CDC42SE2: variants seen among roughly 807,000 people sequenced by gnomAD.
The protein encoded by CDC42SE2 is CDC42 small effector protein 2.
CDC42SE2 carries 3 observed loss-of-function variants against 11.5 expected under a neutral mutation model. That is an observed-to-expected ratio of 0.26 (90% CI 0.12 to 0.67). The LOEUF is 0.67. Ranked by LOEUF, CDC42SE2 falls within the 30% of genes least tolerant of loss-of-function variation. CDC42SE2 has a pLI of 0.80. For missense variants in CDC42SE2, 82 were observed against 106.8 expected (o/e 0.77, Z 1.02); for synonymous variants, 33 against 34.8 (o/e 0.95, Z 0.18).
intron 2 of CDC42SE2, among the ~76,000 whole-genome samples, chr5:131,344,522 C>T (rs1262945401): frequency 6.6e-6 from 1 of 152,162 alleles, no homozygotes; most frequent in South Asian, 2.1e-4. Context: ...TGGGTGGAGC[C>T]CACCACAGCT....
At chr5:131,311,740 C>T (rs1406521849) in intron 1 of CDC42SE2, among the ~76,000 whole-genome samples, 2 of 152,158 alleles carry the variant, frequency 1.3e-5, no homozygotes, top group Non-Finnish European at 2.9e-5. Context: ...CACATCGGCT[C>T]CTGAGGCTTC....
chr5:131,268,369 A>G (rs1756916617), intron 1 of CDC42SE2, among the ~76,000 whole-genome samples: 1 of 150,898 alleles, frequency 6.6e-6, no homozygotes, highest in African/African-American at 2.4e-5. Context: ...GGTCAAGCTT[A>G]TTCTTAATAT....
At position 131,350,936 on chromosome 5, in the gene CDC42SE2, A is replaced by ATTATT. The variant is rs370789354; in HGVS notation, c.-285-8250_-285-8246dup. Among the ~76,000 whole-genome samples, 1,495 of 151,982 alleles carry ATTATT rather than the reference A, an allele frequency of 9.8e-3. 25 individuals carry two copies. Among genetic ancestry groups the ATTATT allele is most frequent in the African/African-American group, 0.033 (1,361 of 41,410 alleles). ...TTAGAAGTAGACTGAATGTTACTCAATTATTTTATTTTATTTTATTTTATT... is the reference window on the plus strand; with the variant it reads ...TTAGAAGTAGACTGAATGTTACTCAATTATTTTATTTTATTTTATTTTATTTTATT... On this transcript the variant is annotated intron_variant, in intron 2 of 4. Transcript: ENST00000505065.
chr5:131,272,487 C>CTCCTTGTATCTTTACCCATACTTTGCCTT (rs1361166885), intron 1 of CDC42SE2, among the ~76,000 whole-genome samples: 39 of 152,260 alleles, frequency 2.6e-4, no homozygotes, highest in Admixed American at 2.2e-3. Flanking sequence ...TTTTATACGT[C>CTCCTTGTATCTTTACCCATACTTTGCCTT]TCCTTGTATC....
intron 2 of CDC42SE2, among the ~76,000 whole-genome samples, chr5:131,346,277 A>C (rs1294091167): frequency 6.6e-6 from 1 of 152,220 alleles, no homozygotes; most frequent in East Asian, 1.9e-4. Flanking sequence ...GCAGAGACAC[A>C]CATAGGCTCA....
At chr5:131,239,954 C>T in the CDC42SE2 span, among the ~76,000 whole-genome samples, 4 of 152,158 alleles carry the variant, frequency 2.6e-5, no homozygotes, top group South Asian at 2.1e-4. Flanking sequence ...AGTTTTATAT[C>T]CCTGCTTTAG....
intron 3 of CDC42SE2, among the ~76,000 whole-genome samples, chr5:131,363,315 C>G (rs1315466235): frequency 1.3e-5 from 2 of 149,178 alleles, no homozygotes. Flanking sequence ...GCCTTCCCAT[C>G]TAATGGTTTC....
chr5:131,245,613 G>A (rs1036922001), intron 1 of CDC42SE2: 4 of 152,186 alleles, frequency 2.6e-5, no homozygotes, highest in Admixed American at 2.0e-4. Flanking sequence ...AGTAATTAAT[G>A]TTATTCTCAT....
chr5:131,263,991 G>C (rs1204029014), upstream of CDC42SE2: 1 of 151,634 alleles, frequency 6.6e-6, no homozygotes, highest in Non-Finnish European at 1.5e-5. Flanking sequence ...GCCGCTCTAG[G>C]GGCGCGCGCC....
chr5:131,365,845 G>A (rs890171278), intron 3 of CDC42SE2, among the ~76,000 whole-genome samples: 6 of 152,302 alleles, frequency 3.9e-5, no homozygotes, highest in Non-Finnish European at 7.3e-5. Context: ...AGCCGGGTGT[G>A]GTGGCGGGTG....
At chr5:131,308,973 C>G (rs1309814999) in intron 1 of CDC42SE2, among the ~76,000 whole-genome samples, 1 of 149,554 alleles carries the variant, frequency 6.7e-6, no homozygotes, top group East Asian at 2.0e-4. Flanking sequence ...CCAGAACTTC[C>G]AACACTATGT....
At chr5:131,210,582 T>G in the CDC42SE2 span, among the ~76,000 whole-genome samples, 3,831 of 152,328 alleles carry the variant, frequency 0.025, 165 homozygotes, top group African/African-American at 0.088. Flanking sequence ...TCACAGATAA[T>G]ATTGCATTAT....
intron 3 of CDC42SE2, among the ~76,000 whole-genome samples, chr5:131,366,450 TATA>T (rs1229381910): frequency 1.3e-5 from 2 of 152,230 alleles, no homozygotes; most frequent in Non-Finnish European, 2.9e-5. Flanking sequence ...GTTTTGAAAT[TATA>T]ATGCTTTTAT....
intron 2 of CDC42SE2, among the ~76,000 whole-genome samples, chr5:131,353,818 AT>A (rs1303944937): frequency 1.3e-5 from 2 of 152,124 alleles, no homozygotes; most frequent in Non-Finnish European, 2.9e-5. Context: ...AGGCTGAGGC[AT>A]GAGAATTGTT....
intron 1 of CDC42SE2, among the ~76,000 whole-genome samples, chr5:131,298,758 A>G (rs185845745): frequency 1.8e-4 from 28 of 152,226 alleles, no homozygotes; most frequent in African/African-American, 2.4e-5. Flanking sequence ...AGGCTGTCAT[A>G]TCTTCCCCTT....
chr5:131,349,901 A>G (rs1758959752), intron 2 of CDC42SE2, among the ~76,000 whole-genome samples: 2 of 152,184 alleles, frequency 1.3e-5, no homozygotes. Context: ...GATTTTCTTA[A>G]TCTTTTTGCT....
chr5:131,264,015 C>G (rs1004516161), upstream of CDC42SE2: 1 of 151,754 alleles, frequency 6.6e-6, no homozygotes, highest in Non-Finnish European at 1.5e-5. Flanking sequence ...TCTCGCTCCG[C>G]CCAACCCGCG....
intron 1 of CDC42SE2, among the ~76,000 whole-genome samples, chr5:131,314,359 G>C (rs1757995841): frequency 6.6e-6 from 1 of 151,662 alleles, no homozygotes; most frequent in Admixed American, 6.6e-5. Flanking sequence ...AGCCTCCTGA[G>C]TAGCTAGGAC....
chr5:131,329,718 A>G (rs1758375395), intron 2 of CDC42SE2, among the ~76,000 whole-genome samples: 3 of 151,674 alleles, frequency 2.0e-5, no homozygotes, highest in South Asian at 4.2e-4. Context: ...ATCTCTACTA[A>G]AAATACAAAA....
Sources: gnomAD v4.1 joint callset for allele counts (sites outside exome capture counted in the v4.1 genomes callset) on GRCh38, gnomAD v4.1.1 for gene constraint, MANE v1.5 for transcripts, NCBI Gene and HGNC (gene_info 2026-07-23, HGNC 2026-07-21) for gene names.